Variants in CES1 observed in about 807,000 individuals in gnomAD.
The protein encoded by CES1 is liver carboxylesterase 1.
CES1 carries 50 observed loss-of-function variants against 53.0 expected under a neutral mutation model. That is an observed-to-expected ratio of 0.94 (90% confidence interval 0.75 to 1.19). The LOEUF is 1.19. CES1 is among the 50% of genes most tolerant of loss of function. CES1 has a pLI of 0.00. For missense variants in CES1, 534 were observed against 538.0 expected, an observed-to-expected ratio of 0.99 and a Z score of 0.07; for synonymous variants, 202 against 210.1, an observed-to-expected ratio of 0.96 and a Z score of 0.33.
intron 1 of CES1, among the ~76,000 whole-genome samples, chr16:55,832,491 C>T (rs1291725403): frequency 6.6e-6 from 1 of 152,208 alleles, no homozygotes; most frequent in African/African-American, 2.4e-5. Flanking sequence ...CACCCATTTC[C>T]TCCTCACCAA....
chr16:55,819,504 A>C (rs757401545), intron 7 of CES1, 31 bp downstream of exon 7: 1 of 1,518,674 alleles, frequency 6.6e-7, no homozygotes, highest in South Asian at 1.1e-5. Context: ...CCAAGTTTAC[A>C]GGGTTTGGGC....
chr16:55,828,548 T>A (rs2032505524), intron 2 of CES1, among the ~76,000 whole-genome samples: 1 of 152,076 alleles, frequency 6.6e-6, no homozygotes, highest in Non-Finnish European at 1.5e-5. Context: ...CACTAATGGA[T>A]CCCAAGAACC....
intron 9 of CES1, among the ~76,000 whole-genome samples, chr16:55,811,532 A>G (rs1366981279): frequency 6.6e-6 from 1 of 152,148 alleles, no homozygotes; most frequent in African/African-American, 2.4e-5. Context: ...AACTCTTCCC[A>G]AACCTCTGCA....
intron 3 of CES1, among the ~76,000 whole-genome samples, chr16:55,823,983 C>T (rs1344661955): frequency 1.3e-5 from 2 of 152,248 alleles, no homozygotes; most frequent in African/African-American, 4.8e-5. Context: ...ATAGCAAAGG[C>T]TAAGGATGTC....
intron 11 of CES1, among the ~76,000 whole-genome samples, chr16:55,809,146 A>G (rs1379378593): frequency 9.3e-5 from 14 of 151,168 alleles, no homozygotes; most frequent in Non-Finnish European, 1.6e-4. Flanking sequence ...ACCAGATGAA[A>G]AACATAAGTT....
chr16:55,828,318 C>A, intron 2 of CES1: 1 of 321,010 alleles, frequency 3.1e-6, no homozygotes, highest in Non-Finnish European at 6.1e-6. Flanking sequence ...CACACACCTC[C>A]TGGCCCACTC....
At chr16:55,810,709 C>G (rs557563867) in intron 10 of CES1, 45 bp from the exon 11 acceptor site, 3 of 1,603,858 alleles carry the variant, frequency 1.9e-6, no homozygotes, top group East Asian at 4.5e-5. Flanking sequence ...GTGAGCGATG[C>G]AGCTTCTCCA....
In CES1 at chr16:55,816,963, C is replaced by A. The variant is rs140353865; in HGVS notation, c.907-1G>T. On this transcript the variant is annotated splice_acceptor_variant, in intron 7 of 13. Transcript: ENST00000360526. LOFTEE classifies it high-confidence loss of function. The stretch of plus-strand genomic sequence containing the variant: ...CCTGTAAGTCCAGAGATAAGAATTT[C>A]TGTGAAGACAAAGGCAGAGGATGTG... 9.9e-6 allele frequency: 16 copies of A among 1,614,156 alleles called. No homozygotes were observed. The Admixed American group carries it at 1.0e-4, about 10-fold the overall frequency.
chr16:55,819,612 T>C lies in CES1; in HGVS notation c.829A>G (p.Thr277Ala). ...TGAACCATGACAGCAGAGGTGGTGG[T>C]TTTGCACCCAGCAGTGATAGCAATT... ...EQIAITAGCK[T>A]TTSAVMVHCL... is the part of the protein sequence containing the mutation. The change falls in exon 7 of 14, where the codon ACC (threonine) becomes GCC (alanine). Residue 277 changes from threonine to alanine, a missense_variant. By Grantham distance (58) the Thr-to-Ala change is moderately conservative. Coordinates refer to ENST00000360526, the MANE Select transcript of CES1 (RefSeq NM_001025195.2). 6.2e-7 allele frequency: 1 copy of C among 1,614,014 alleles called. No homozygotes were observed. The highest frequency in any genetic ancestry group is 2.2e-5 in the East Asian group (1 of 44,890).
chr16:55,810,452 G>A, intron 11 of CES1, 65 bp downstream of exon 11: 1 of 1,595,592 alleles, frequency 6.3e-7, no homozygotes, highest in African/African-American at 1.3e-5. Flanking sequence ...ATGCTGGGAG[G>A]TAGGTGGGTC....
chr16:55,809,303 A>G (rs1413029889), intron 11 of CES1, among the ~76,000 whole-genome samples: 1 of 152,248 alleles, frequency 6.6e-6, no homozygotes, highest in Non-Finnish European at 1.5e-5. Context: ...CTGTGAAGAA[A>G]TGAGGGTTAT....
In CES1 at chr16:55,811,026, AG is replaced by A; in HGVS notation, c.1087-17del. ...TCATCAACTGCTAAAAAAAAAAAAAAGTTCAGCATTTATGAATCATTGGGAA... is the reference window on the plus strand; with the variant it reads ...TCATCAACTGCTAAAAAAAAAAAAAATTCAGCATTTATGAATCATTGGGAA... On this transcript the variant is annotated splice_polypyrimidine_tract_variant and intron_variant, in intron 9 of 13. Coordinates refer to ENST00000360526, the MANE Select transcript of CES1 (RefSeq NM_001025195.2). 1.9e-6 allele frequency: 3 copies of A among 1,556,948 alleles called. No homozygotes were observed. The highest frequency in any genetic ancestry group is 2.7e-6 in the Non-Finnish European group (3 of 1,128,056).
At chr16:55,810,762 C>T (rs1597066017) in intron 10 of CES1, 98 bp from the exon 11 acceptor site, 1 of 1,492,574 alleles carries the variant, frequency 6.7e-7, no homozygotes, top group East Asian at 2.2e-5. Flanking sequence ...CCCATAAGCC[C>T]TGTGCAACTC....
chr16:55,831,080 T>A (rs1567509768), intron 1 of CES1, among the ~76,000 whole-genome samples: 1 of 152,018 alleles, frequency 6.6e-6, no homozygotes, highest in African/African-American at 2.4e-5. Flanking sequence ...CAGGGCAGAA[T>A]CTTCTCCTGG....
intron 2 of CES1, chr16:55,828,277 G>A (rs2032494483): frequency 3.9e-6 from 1 of 253,224 alleles, no homozygotes; most frequent in African/African-American, 2.2e-5. Context: ...TTGAGCACTT[G>A]CCGAGTGGAC....
intron 11 of CES1, among the ~76,000 whole-genome samples, chr16:55,809,957 C>T (rs1213689253): frequency 2.6e-5 from 4 of 152,240 alleles, no homozygotes; most frequent in East Asian, 3.8e-4. Flanking sequence ...CCTGGGCATG[C>T]CAGCCTGACT....
At chr16:55,824,775 G>T (rs565865085) in intron 3 of CES1, among the ~76,000 whole-genome samples, 1 of 152,352 alleles carries the variant, frequency 6.6e-6, no homozygotes, top group South Asian at 2.1e-4. Context: ...CATATGTGAT[G>T]ATTCCCATTT....
intron 1 of CES1, 105 bp from the exon 2 acceptor site, chr16:55,829,079 T>G: frequency 2.4e-6 from 3 of 1,246,502 alleles, no homozygotes; most frequent in Non-Finnish European, 3.4e-6. Flanking sequence ...ATAAGTCACC[T>G]AAACCCTCTA....
chr16:55,830,995 T>C (rs563724529), intron 1 of CES1, among the ~76,000 whole-genome samples: 2 of 151,976 alleles, frequency 1.3e-5, no homozygotes, highest in African/African-American at 2.4e-5. Flanking sequence ...GGTGGAGATG[T>C]GAGTGGGATA....
Sources: allele counts gnomAD v4.1 joint callset (sites outside exome capture counted in the v4.1 genomes callset), GRCh38; gene constraint gnomAD v4.1.1; transcripts MANE v1.5; gene names NCBI Gene and HGNC (gene_info 2026-07-23, HGNC 2026-07-21).